ANKRD62: variants seen among roughly 807,000 people sequenced by gnomAD.
ANKRD62 encodes the protein ankyrin repeat domain-containing protein 62.
ANKRD62 carries 61 observed loss-of-function variants against 98.8 expected under a neutral mutation model. The ratio of observed to expected loss-of-function variants is 0.62; its 90% CI spans 0.50 to 0.76. The LOEUF is 0.76. ANKRD62 is among the 30% of genes least tolerant of loss of function. The pLI is 0.00. For missense variants in ANKRD62, 933 were observed against 1,082.9 expected, an observed-to-expected ratio of 0.86 and a Z score of 1.94; for synonymous variants, 341 against 367.9, an observed-to-expected ratio of 0.93 and a Z score of 0.84.
rs539320361 is a variant in ANKRD62, at chr18:12,099,672, T to G, written c.810T>G (p.Asn270Lys). ...ACAAGAGATGTAAAAGTCTTCAAAA[T>G]AGCAATTCAGGTATGACTTCTGATA... ...KANKRCKSLQ[N>K]SNSEQDLEMT... Residue 270 changes from asparagine to lysine, a missense_variant, in exon 6 of 14, where the codon AAT becomes AAG. Transcript: ENST00000587848. 1.1e-5 allele frequency: 16 copies of G among 1,483,404 alleles called. No homozygotes were observed. In the East Asian group the frequency reaches 3.5e-4, roughly 33 times the overall value. 91.9% of individuals were successfully genotyped at this position (1,483,404 alleles called of 1,614,324 possible). A position where few individuals can be genotyped will look rare whatever the true frequency, so the allele number is the denominator to read the frequency against.
the ANKRD62 span, among the ~76,000 whole-genome samples, chr18:12,175,724 A>T: frequency 1 from 151,504 of 151,928 alleles, 75,550 homozygotes; most frequent in Non-Finnish European, 1. Flanking sequence ...TTTCCTGAAA[A>T]GATGACTTAA....
chr18:12,113,836 A>G (rs1437159388), intron 8 of ANKRD62, among the ~76,000 whole-genome samples: 1 of 152,218 alleles, frequency 6.6e-6, no homozygotes, highest in Non-Finnish European at 1.5e-5. Context: ...ATAAAGACAC[A>G]TGCATATGTT....
intron 10 of ANKRD62, among the ~76,000 whole-genome samples, chr18:12,116,457 A>T (rs1374477309): frequency 6.6e-6 from 1 of 152,140 alleles, no homozygotes; most frequent in Non-Finnish European, 1.5e-5. Context: ...TATTAAAAGT[A>T]TTTTTTTAAT....
At chr18:12,130,812 C>T (rs1909992114), downstream of ANKRD62, among the ~76,000 whole-genome samples, 1 of 152,088 alleles carries the variant, frequency 6.6e-6, no homozygotes, top group African/African-American at 2.4e-5. Flanking sequence ...CTGCCCCAGC[C>T]TCCCAAGTAG....
the ANKRD62 span, among the ~76,000 whole-genome samples, chr18:12,150,159 A>G: frequency 6.6e-6 from 1 of 152,194 alleles, no homozygotes; most frequent in Admixed American, 6.5e-5. Context: ...TCACAATGCA[A>G]TTGCAAGTAT....
At chr18:12,137,193 A>G in the ANKRD62 span, among the ~76,000 whole-genome samples, 2 of 152,176 alleles carry the variant, frequency 1.3e-5, no homozygotes, top group African/African-American at 4.8e-5. Flanking sequence ...TTTGTCATAC[A>G]TAGCTCTTAT....
chr18:12,129,961 C>T (rs1909977640), downstream of ANKRD62, among the ~76,000 whole-genome samples: 7 of 152,092 alleles, frequency 4.6e-5, no homozygotes, highest in Admixed American at 3.3e-4. Flanking sequence ...AATCAACGCA[C>T]AGAGATTCTA....
chr18:12,167,817 G>T, the ANKRD62 span, among the ~76,000 whole-genome samples: 23 of 152,104 alleles, frequency 1.5e-4, no homozygotes, highest in African/African-American at 5.6e-4. Flanking sequence ...TTTAAGGATT[G>T]CCATTCTAAC....
the ANKRD62 span, among the ~76,000 whole-genome samples, chr18:12,170,935 A>T: frequency 0.21 from 30,788 of 148,124 alleles, 3,516 homozygotes; most frequent in Middle Eastern, 0.29. Context: ...CTGTTTTATC[A>T]GAGACTAGGA....
the ANKRD62 span, among the ~76,000 whole-genome samples, chr18:12,138,516 T>A: frequency 6.6e-6 from 1 of 152,184 alleles, no homozygotes. Context: ...AAAGAATGTA[T>A]ATTCTGTTGA....
At chr18:12,134,328 G>A (rs1036351962), downstream of ANKRD62, among the ~76,000 whole-genome samples, 1 of 152,154 alleles carries the variant, frequency 6.6e-6, no homozygotes, top group Admixed American at 6.5e-5. Context: ...TGCAGTGTTT[G>A]TCCCTATTGA....
chr18:12,136,214 T>G, the ANKRD62 span, among the ~76,000 whole-genome samples: 1 of 152,136 alleles, frequency 6.6e-6, no homozygotes, highest in East Asian at 1.9e-4. Context: ...TTGAATTAAT[T>G]TTTGTATAAG....
At chr18:12,154,736 C>T in the ANKRD62 span, among the ~76,000 whole-genome samples, 5 of 152,068 alleles carry the variant, frequency 3.3e-5, no homozygotes, top group South Asian at 4.1e-4. Context: ...CAGCAGTGAC[C>T]GATTGGCCAA....
intron 8 of ANKRD62, among the ~76,000 whole-genome samples, chr18:12,109,971 A>C (rs1037857856): frequency 9.5e-4 from 131 of 137,908 alleles, no homozygotes; most frequent in African/African-American, 3.4e-3. Context: ...AAAAAAAAAA[A>C]CAGACAGACA....
chr18:12,120,153 G>C (rs898372306), intron 10 of ANKRD62, among the ~76,000 whole-genome samples: 4 of 152,108 alleles, frequency 2.6e-5, no homozygotes, highest in Non-Finnish European at 4.4e-5. Context: ...ATAGGTACTT[G>C]AAAAGCATGG....
At chr18:12,175,185 G>A in the ANKRD62 span, among the ~76,000 whole-genome samples, 1 of 152,222 alleles carries the variant, frequency 6.6e-6, no homozygotes, top group Non-Finnish European at 1.5e-5. Flanking sequence ...GCGGGCTCAG[G>A]TCTGTGCCTT....
At chr18:12,136,718 G>A in the ANKRD62 span, among the ~76,000 whole-genome samples, 2 of 151,930 alleles carry the variant, frequency 1.3e-5, no homozygotes, top group African/African-American at 2.4e-5. Flanking sequence ...CTTTTATTTC[G>A]TTGAGCAGTG....
intron 6 of ANKRD62, chr18:12,101,887 A>G (rs558647541): frequency 3.1e-5 from 22 of 698,570 alleles, no homozygotes; most frequent in Admixed American, 2.6e-4. Context: ...GCTGTCCACC[A>G]ATGGACTTAC....
At chr18:12,153,247 G>T in the ANKRD62 span, among the ~76,000 whole-genome samples, 1 of 152,134 alleles carries the variant, frequency 6.6e-6, no homozygotes, top group South Asian at 2.1e-4. Context: ...AAAGCAATTT[G>T]TACACTCAAT....
Sources: allele counts gnomAD v4.1 joint callset (sites outside exome capture counted in the v4.1 genomes callset), GRCh38; gene constraint gnomAD v4.1.1; transcripts MANE v1.5; gene names NCBI Gene and HGNC (gene_info 2026-07-23, HGNC 2026-07-21).